The following ABLIM2 variants were observed in gnomAD, a reference collection of about 807,000 sequenced individuals.
ABLIM2 encodes actin-binding LIM protein 2.
Under a neutral mutation model 97.7 loss-of-function variants are expected in ABLIM2, and 53 were observed. That is an observed-to-expected ratio of 0.54 (90% CI 0.44 to 0.68). The LOEUF (loss-of-function observed/expected upper bound fraction) is 0.68. ABLIM2 is among the 30% of genes least tolerant of loss of function. The pLI is 0.00. For synonymous variants in ABLIM2, 361 were observed against 345.8 expected (o/e 1.04, Z -0.49); for missense variants, 835 against 867.2 (o/e 0.96, Z 0.47).
chr4:7,995,875 T>A (rs541845922), intron 16 of ABLIM2, among the ~76,000 whole-genome samples: 10 of 151,950 alleles, frequency 6.6e-5, no homozygotes, highest in Admixed American at 6.6e-4. Context: ...CCCAAGTAAA[T>A]GGCCTAGCCA....
At position 8,106,520 on chromosome 4, in the gene ABLIM2, A is replaced by T; in HGVS notation, c.128T>A (p.Phe43Tyr). ...GEVLRVQDKYFHIKCFVCKAC... is the reference protein window; with the variant it reads ...GEVLRVQDKYYHIKCFVCKAC... ...TTTACAGACGAAGCACTTGATGTGG[A>T]AGTACTTGTCCTGCACCCGCAGCAC... is the stretch of plus-strand genomic sequence containing the variant. Residue 43 changes from phenylalanine (F) to tyrosine (Y), a missense_variant, in exon 2 of 21, where the codon TTC becomes TAC. Phe to Tyr is a conservative substitution (Grantham distance 22). Transcript: ENST00000447017. The T allele has an allele frequency of 1.2e-6, 2 of 1,600,920 alleles. No individual in the cohort carries two copies. Among genetic ancestry groups the T allele is most frequent in the Non-Finnish European group, 1.7e-6 (2 of 1,174,020 alleles).
intron 9 of ABLIM2, among the ~76,000 whole-genome samples, chr4:8,040,993 G>T (rs1788083026): frequency 6.6e-6 from 1 of 152,238 alleles, no homozygotes; most frequent in African/African-American, 2.4e-5. Context: ...AAGCAGCATG[G>T]CACCCCACAC....
At chr4:7,980,970 G>A (rs1405398226) in intron 20 of ABLIM2, among the ~76,000 whole-genome samples, 3 of 52,986 alleles carry the variant, frequency 5.7e-5, no homozygotes, top group Non-Finnish European at 9.1e-5. Flanking sequence ...TTGAGATGGA[G>A]TCTTGCTCTG....
intron 8 of ABLIM2, among the ~76,000 whole-genome samples, chr4:8,053,520 G>C (rs979971502): frequency 1.2e-4 from 18 of 152,304 alleles, no homozygotes; most frequent in Admixed American, 1.1e-3. Flanking sequence ...AGACATGAGG[G>C]GGGTCTTGGG....
At chr4:8,099,398 G>A (rs929333743) in intron 2 of ABLIM2, among the ~76,000 whole-genome samples, 2 of 152,186 alleles carry the variant, frequency 1.3e-5, no homozygotes, top group Non-Finnish European at 2.9e-5. Flanking sequence ...GGAGAAACAT[G>A]TGGCAGTGGT....
rs28623533 is a variant in ABLIM2, at chr4:8,116,716, C to T, written c.11-10079G>A. On this transcript the variant is annotated intron_variant, in intron 1 of 20. Coordinates refer to ENST00000447017, the MANE Select transcript of ABLIM2 (RefSeq NM_001130083.2). ...AGCAAAATAAGGATTGGATATAGCA[C>T]GAGGATGTGAGTTCATTGAGAAAGG... Among the ~76,000 whole-genome samples the T allele has an allele frequency of 8.3e-3, 1,268 of 152,210 alleles. 22 individuals are homozygous for T. The highest frequency in any genetic ancestry group is 0.029 in the African/African-American group (1,185 of 41,516).
intron 18 of ABLIM2, 45 bp downstream of exon 18, chr4:7,984,794 A>G (rs1223801819): frequency 9.1e-6 from 14 of 1,538,108 alleles, no homozygotes; most frequent in Non-Finnish European, 1.1e-5. Context: ...TGTGTTAGCG[A>G]CCCCTGCCCC....
chr4:8,102,868 G>A (rs964735543), intron 2 of ABLIM2, among the ~76,000 whole-genome samples: 2 of 152,234 alleles, frequency 1.3e-5, no homozygotes, highest in African/African-American at 4.8e-5. Flanking sequence ...CTTTGCCGGT[G>A]GGGGTGAACG....
intron 14 of ABLIM2, chr4:8,010,582 G>A (rs376320488): frequency 1.0e-6 from 1 of 985,634 alleles, no homozygotes; most frequent in Non-Finnish European, 1.2e-6. Context: ...TGAAGACTGA[G>A]CAGTTCCGTT....
At chr4:8,108,663 C>T (rs141482991) in intron 1 of ABLIM2, among the ~76,000 whole-genome samples, 1,714 of 152,334 alleles carry the variant, frequency 0.011, 16 homozygotes, top group African/African-American at 0.016. Context: ...TCACACGGGA[C>T]GCCCCCCTTC....
At chr4:8,048,616 G>A (rs10029338) in intron 8 of ABLIM2, among the ~76,000 whole-genome samples, 44,496 of 152,038 alleles carry the variant, frequency 0.29, 6,637 homozygotes, top group South Asian at 0.42. Context: ...GGACCGTCTC[G>A]CTCCCATTCA....
At position 8,061,207 on chromosome 4, in the gene ABLIM2, G is replaced by T. The variant is rs1489160348; in HGVS notation, c.676-153C>A. Among the ~76,000 whole-genome samples the T allele has an allele frequency of 5.3e-5, 6 of 114,042 alleles. No individual in the cohort carries two copies. Among genetic ancestry groups the T allele is most frequent in the Non-Finnish European group, 8.7e-5 (5 of 57,370 alleles). The allele number at this position is 114,042 out of a possible 152,430, so 74.8% of individuals were successfully genotyped here. A position where few individuals can be genotyped will look rare whatever the true frequency, so the allele number is the denominator to read the frequency against. ...CACCATCGGGACCCAAGACCCCTGA[G>T]CAGAGCCCAGACCCGGGGGTGCCCC... On this transcript the variant is annotated intron_variant, in intron 6 of 20. Coordinates refer to ENST00000447017, the MANE Select transcript of ABLIM2 (RefSeq NM_001130083.2). The surrounding 1 kb of genome is among the most constrained non-coding windows in gnomAD (Gnocchi z 4.5).
At chr4:8,153,717 G>A (rs867407575) in intron 1 of ABLIM2, among the ~76,000 whole-genome samples, 1 of 146,212 alleles carries the variant, frequency 6.8e-6, no homozygotes, top group Admixed American at 6.7e-5. Flanking sequence ...TGGAGGCAGA[G>A]TGTGCTCTCT....
At chr4:8,006,875 G>T (rs36096706) in intron 16 of ABLIM2, 11,633 of 351,564 alleles carry the variant, frequency 0.033, 580 homozygotes, top group African/African-American at 0.15. Context: ...GGGGATTTTT[G>T]CAGGGGGGGG....
intron 20 of ABLIM2, among the ~76,000 whole-genome samples, chr4:7,968,602 C>A (rs569526046): frequency 6.6e-6 from 1 of 152,208 alleles, no homozygotes; most frequent in Non-Finnish European, 1.5e-5. Flanking sequence ...GTATATGATT[C>A]CACTTCTCTG....
In ABLIM2 at chr4:8,091,558, T is replaced by C. The variant is rs1828169501; in HGVS notation, c.339-3274A>G. 7.4e-5 allele frequency among the ~76,000 whole-genome samples: 3 copies of C among 40,488 alleles called. 1 individual carries two copies. The highest frequency in any genetic ancestry group is 1.0e-3 in the Admixed American group (2 of 1,942). 26.6% of individuals were successfully genotyped at this position (40,488 alleles called of 152,430 possible). A position where few individuals can be genotyped will look rare whatever the true frequency, so the allele number is the denominator to read the frequency against. ...AAATTATATATAATATTTATAATTATATATATTATATATAATTTTATATAA... is the reference window on the plus strand; with the variant it reads ...AAATTATATATAATATTTATAATTACATATATTATATATAATTTTATATAA... On this transcript the variant is annotated intron_variant, in intron 3 of 20. Transcript: ENST00000447017.
In ABLIM2 at chr4:8,033,249, G is replaced by A. The variant is rs1036498528; in HGVS notation, c.1047+2900C>T. On this transcript the variant is annotated intron_variant, in intron 10 of 20. Transcript: ENST00000447017. This position sits in a 1 kb window ranked among gnomAD's most constrained non-coding sequence, Gnocchi z 4.5. ...TGGAGGTGGGAGGGGCCCAGAAAGAGCACAGCCCTTGTGAGGTGAGCAAGC... is the reference window on the plus strand; with the variant it reads ...TGGAGGTGGGAGGGGCCCAGAAAGAACACAGCCCTTGTGAGGTGAGCAAGC... Among the ~76,000 whole-genome samples the A allele has an allele frequency of 1.3e-5, 2 of 152,212 alleles. No homozygotes were observed. Among genetic ancestry groups the A allele is most frequent in the East Asian group, 1.9e-4 (1 of 5,188 alleles).
intron 2 of ABLIM2, among the ~76,000 whole-genome samples, chr4:8,105,832 C>A (rs891666215): frequency 3.9e-5 from 6 of 152,190 alleles, no homozygotes; most frequent in Non-Finnish European, 7.3e-5. Flanking sequence ...AGAAAATTAG[C>A]AAGGGCACAT....
In ABLIM2 at chr4:8,085,854, G is replaced by A. The variant is rs2152493391; in HGVS notation, c.454+2315C>T. Among the ~76,000 whole-genome samples, 1 of 152,320 alleles carries A rather than the reference G, an allele frequency of 6.6e-6. No homozygotes were observed. The highest frequency in any genetic ancestry group is 2.1e-4 in the South Asian group (1 of 4,822). On this transcript the variant is annotated intron_variant, in intron 4 of 20. Coordinates refer to ENST00000447017, the MANE Select transcript of ABLIM2 (RefSeq NM_001130083.2). This position sits in a 1 kb window ranked among gnomAD's most constrained non-coding sequence, Gnocchi z 6.1. ...CAGTTTCAGAACCAAGGCCACCTTG[G>A]ACAGCCTCTAGTCCTAGTGGGGTGA...
Sources: allele counts gnomAD v4.1 joint callset (sites outside exome capture counted in the v4.1 genomes callset), GRCh38; gene constraint gnomAD v4.1.1; non-coding constraint Gnocchi (gnomAD v3.1); transcripts MANE v1.5; gene names NCBI Gene and HGNC (gene_info 2026-07-23, HGNC 2026-07-21).